LINGO2: variants seen among roughly 807,000 people sequenced by gnomAD.
LINGO2 encodes the protein leucine-rich repeat and immunoglobulin-like domain-containing nogo receptor-interacting protein 2.
LINGO2 carries 14 observed loss-of-function variants against 30.6 expected under a neutral mutation model. That is an observed-to-expected ratio of 0.46 (90% CI 0.30 to 0.72). The LOEUF (loss-of-function observed/expected upper bound fraction) is 0.72. Ranked by LOEUF, LINGO2 falls within the 30% of genes least tolerant of loss-of-function variation. The pLI is 0.07. For missense variants in LINGO2, 729 were observed against 751.7 expected (o/e 0.97, Z 0.35); for synonymous variants, 317 against 288.5 (o/e 1.10, Z -1.00).
At chr9:29,120,066 C>G in the LINGO2 span, among the ~76,000 whole-genome samples, 3 of 151,982 alleles carry the variant, frequency 2.0e-5, no homozygotes, top group African/African-American at 4.8e-5. Flanking sequence ...GCCTTTTAGT[C>G]CTGTCATGAA....
the LINGO2 span, among the ~76,000 whole-genome samples, chr9:29,121,007 C>A: frequency 6.6e-6 from 1 of 152,074 alleles, no homozygotes; most frequent in East Asian, 1.9e-4. Flanking sequence ...ATAATCTTCA[C>A]CTGAAAACTG....
At chr9:28,800,959 C>G in the LINGO2 span, among the ~76,000 whole-genome samples, 1 of 152,034 alleles carries the variant, frequency 6.6e-6, no homozygotes, top group African/African-American at 2.4e-5. Flanking sequence ...GTTAATAAGC[C>G]ATGCTGTAAG....
chr9:28,365,539 G>C (rs1451496154), intron 3 of LINGO2, among the ~76,000 whole-genome samples: 1 of 152,066 alleles, frequency 6.6e-6, no homozygotes, highest in Non-Finnish European at 1.5e-5. Context: ...GGCTCCTGCA[G>C]GCCTGGGTGA....
At chr9:28,547,393 C>T (rs1416076769) in intron 1 of LINGO2, among the ~76,000 whole-genome samples, 1 of 152,084 alleles carries the variant, frequency 6.6e-6, no homozygotes, top group Non-Finnish European at 1.5e-5. Context: ...TTGCATCTCT[C>T]TGATATAAAT....
intron 5 of LINGO2, among the ~76,000 whole-genome samples, chr9:27,999,436 CAGAGAGAGAG>C (rs36216761): frequency 0.098 from 14,128 of 143,714 alleles, 1,521 homozygotes; most frequent in African/African-American, 0.27. Context: ...GCCTAATCTT[CAGAGAGAGAG>C]AGAGAGAGAG....
the LINGO2 span, among the ~76,000 whole-genome samples, chr9:28,928,012 A>C: frequency 1.3e-5 from 2 of 152,230 alleles, no homozygotes; most frequent in Non-Finnish European, 2.9e-5. Flanking sequence ...AATGTGCCAG[A>C]AAGTAGTCAT....
intron 4 of LINGO2, among the ~76,000 whole-genome samples, chr9:28,286,835 G>C (rs1823526888): frequency 6.6e-6 from 1 of 152,064 alleles, no homozygotes; most frequent in South Asian, 2.1e-4. Context: ...AGGAGGGAGA[G>C]GATCAGGAAA....
chr9:28,300,126 G>GAAAAA (rs11306826), intron 3 of LINGO2, among the ~76,000 whole-genome samples: 3 of 131,998 alleles, frequency 2.3e-5, no homozygotes, highest in Non-Finnish European at 3.3e-5. Flanking sequence ...TTTTCTAATG[G>GAAAAA]AAAAAAAAAA....
At chr9:28,533,356 G>A (rs1821308549) in intron 1 of LINGO2, among the ~76,000 whole-genome samples, 1 of 152,068 alleles carries the variant, frequency 6.6e-6, no homozygotes, top group South Asian at 2.1e-4. Flanking sequence ...CGGGCTTCCT[G>A]ATTCTTCAGC....
At chr9:28,499,295 G>T (rs1391038618) in intron 1 of LINGO2, among the ~76,000 whole-genome samples, 1 of 152,158 alleles carries the variant, frequency 6.6e-6, no homozygotes, top group Non-Finnish European at 1.5e-5. Flanking sequence ...GACCATCTCA[G>T]TCAGACCTAC....
chr9:28,759,915 T>C, the LINGO2 span, among the ~76,000 whole-genome samples: 4 of 151,984 alleles, frequency 2.6e-5, no homozygotes, highest in African/African-American at 9.7e-5. Flanking sequence ...AGAATGGCTA[T>C]TCAGTCCAAT....
At chr9:29,071,154 T>TTATTTTATTG in the LINGO2 span, among the ~76,000 whole-genome samples, 326 of 137,766 alleles carry the variant, frequency 2.4e-3, 2 homozygotes, top group Middle Eastern at 3.8e-3. Context: ...TCACAGAGAA[T>TTATTTTATTG]TATTGTATTG....
At chr9:28,292,362 A>C (rs1225641254) in intron 4 of LINGO2, among the ~76,000 whole-genome samples, 1 of 152,190 alleles carries the variant, frequency 6.6e-6, no homozygotes, top group Admixed American at 6.5e-5. Context: ...TATTTCCAAC[A>C]GTCTGAGGAT....
At chr9:28,851,688 T>A in the LINGO2 span, among the ~76,000 whole-genome samples, 313 of 152,072 alleles carry the variant, frequency 2.1e-3, no homozygotes, top group African/African-American at 7.2e-3. Flanking sequence ...TTATTTAATA[T>A]AACTTTATTT....
intron 4 of LINGO2, among the ~76,000 whole-genome samples, chr9:28,050,791 A>G (rs1332150505): frequency 6.6e-6 from 1 of 150,968 alleles, no homozygotes; most frequent in Non-Finnish European, 1.5e-5. Context: ...TGTAATTCAT[A>G]CATGTTGATA....
chr9:28,481,827 T>C (rs565642709), intron 1 of LINGO2, among the ~76,000 whole-genome samples: 1 of 145,878 alleles, frequency 6.9e-6, no homozygotes, highest in Non-Finnish European at 1.5e-5. Flanking sequence ...CTTGTGTCCA[T>C]GTGTTCTCAT....
chr9:28,670,335 A>C (rs1828963230), upstream of LINGO2: 1 of 152,094 alleles, frequency 6.6e-6, no homozygotes, highest in South Asian at 2.1e-4. Flanking sequence ...TGTCTTTGTA[A>C]AATGATGGTG....
chr9:28,869,323 G>A, the LINGO2 span, among the ~76,000 whole-genome samples: 2 of 151,978 alleles, frequency 1.3e-5, no homozygotes, highest in Non-Finnish European at 2.9e-5. Context: ...GGATCCTACA[G>A]AAGAAGTGGC....
At chr9:28,494,292 T>G (rs899793752) in intron 1 of LINGO2, among the ~76,000 whole-genome samples, 19 of 152,252 alleles carry the variant, frequency 1.2e-4, no homozygotes, top group Admixed American at 1.0e-3. Context: ...TACGTATACA[T>G]GTGCCACATT....
Sources: allele counts gnomAD v4.1 joint callset (sites outside exome capture counted in the v4.1 genomes callset), GRCh38; gene constraint gnomAD v4.1.1; transcripts MANE v1.5; gene names NCBI Gene and HGNC (gene_info 2026-07-23, HGNC 2026-07-21).